FUBP1: variants seen among roughly 807,000 people sequenced by gnomAD.
FUBP1 encodes the protein far upstream element binding protein 1.
FUBP1 carries 16 observed loss-of-function variants against 94.9 expected under a neutral mutation model. The ratio of observed to expected loss-of-function variants is 0.17; its 90% CI spans 0.11 to 0.26. The LOEUF is 0.26. Ranked by LOEUF, FUBP1 falls within the 10% of genes least tolerant of loss-of-function variation. The probability of loss-of-function intolerance (pLI) is 1.00; values close to 1 mark genes in which losing one functional copy is unlikely to be tolerated. For missense variants in FUBP1, 583 were observed against 808.6 expected (o/e 0.72, Z 3.38); for synonymous variants, 279 against 254.9 (o/e 1.09, Z -0.90).
chr1:77,963,039 G>T, intron 13 of FUBP1, 109 bp from the exon 14 acceptor site: 1 of 651,584 alleles, frequency 1.5e-6, no homozygotes, highest in Non-Finnish European at 2.6e-6. Flanking sequence ...GGTTTGGTCA[G>T]TATCCTAATT....
intron 1 of FUBP1, among the ~76,000 whole-genome samples, chr1:77,970,606 G>A (rs911795228): frequency 6.6e-6 from 1 of 152,112 alleles, no homozygotes; most frequent in African/African-American, 2.4e-5. Flanking sequence ...ACTTCTATTG[G>A]ACAATGTTGT....
rs1655927436 is a variant in FUBP1 at position 77,963,567 on chromosome 1, A to C, written c.1183+7T>G. 6.6e-7 allele frequency: 1 copy of C among 1,523,944 alleles called. No individual in the cohort carries two copies. Among genetic ancestry groups the C allele is most frequent in the African/African-American group, 1.4e-5 (1 of 73,110 alleles). The allele number at this position is 1,523,944 out of a possible 1,614,324, so 94.4% of individuals were successfully genotyped here. A position where few individuals can be genotyped will look rare whatever the true frequency, so the allele number is the denominator to read the frequency against. Reference sequence around the variant, plus strand: ...TGTTAAAACATTAAGAGTTTAAAATACATTGCCTTTTCCTATTATTAATCC... The same window carrying C: ...TGTTAAAACATTAAGAGTTTAAAATCCATTGCCTTTTCCTATTATTAATCC... On this transcript the variant is annotated splice_region_variant and intron_variant, in intron 13 of 19. Transcript: ENST00000370768.
intron 16 of FUBP1, among the ~76,000 whole-genome samples, chr1:77,959,513 G>GTT (rs947642552): frequency 4.6e-5 from 7 of 151,664 alleles, no homozygotes; most frequent in Non-Finnish European, 1.0e-4. Context: ...CTGTTGGACT[G>GTT]TTATATATAT....
At position 77,956,611 on chromosome 1, in the gene FUBP1, G is replaced by C. The variant is rs1294795474; in HGVS notation, c.1666C>G (p.Pro556Ala). Residue 556 changes from proline to alanine, a missense_variant, in exon 17 of 20, where the codon CCT (proline) becomes GCT (alanine). Pro to Ala is a conservative substitution (Grantham distance 27). Transcript: ENST00000370768. ...TGAGTTGTAGTTGGTGCACCTGCAG[G>C]GGCTGCTGGTGGTGGCTGTGCTTGC... ...QQQAQPPPAA[P>A]AGAPTTTQTN... is the part of the protein sequence containing the mutation. 6.2e-7 allele frequency: 1 copy of C among 1,610,314 alleles called. No individual in the cohort carries two copies. The highest frequency in any genetic ancestry group is 8.5e-7 in the Non-Finnish European group (1 of 1,176,654).
intron 1 of FUBP1, among the ~76,000 whole-genome samples, chr1:77,974,291 C>T (rs1658182200): frequency 6.6e-6 from 1 of 151,932 alleles, no homozygotes; most frequent in African/African-American, 2.4e-5. Context: ...GCCCACTACT[C>T]CCGGCTAATT....
chr1:77,956,744 TTC>T lies in FUBP1; in HGVS notation c.1577-46_1577-45del, dbSNP rs777483274. On this transcript the variant is annotated intron_variant, in intron 16 of 19. Coordinates refer to ENST00000370768, the MANE Select transcript of FUBP1 (RefSeq NM_003902.5). ...CAAGGTTTGCATGTGAAGTCTGTAA[TTC>T]TCTCTCACACACACACACACCACCC... 14 of 1,544,746 alleles carry T rather than the reference TTC, an allele frequency of 9.1e-6. 1 individual carries two copies. Among genetic ancestry groups the T allele is most frequent in the East Asian group, 4.5e-5 (2 of 44,232 alleles).
intron 4 of FUBP1, 60 bp downstream of exon 4, chr1:77,967,567 T>G: frequency 7.4e-7 from 1 of 1,346,854 alleles, no homozygotes. Flanking sequence ...TGTGGTTGTG[T>G]TTTTACATAC....
At chr1:77,957,471 T>C (rs1413737883) in intron 16 of FUBP1, among the ~76,000 whole-genome samples, 1 of 152,212 alleles carries the variant, frequency 6.6e-6, no homozygotes, top group Non-Finnish European at 1.5e-5. Context: ...CCTCTACACT[T>C]GACTGACCCT....
chr1:77,948,416 T>C lies in FUBP1; in HGVS notation c.*350A>G. 1 of 1,087,634 alleles carries C rather than the reference T, an allele frequency of 9.2e-7. No homozygotes were observed. The allele number at this position is 1,087,634 out of a possible 1,614,324, so 67.4% of individuals were successfully genotyped here. On this transcript the variant is annotated 3_prime_UTR_variant, in exon 20 of 20. Coordinates refer to ENST00000370768, the MANE Select transcript of FUBP1 (RefSeq NM_003902.5). Reference sequence around the variant, plus strand: ...ACTTACCGACACAGGAGGTTTCATATCATTTATTGTAAAGCACAAAACAGG... The same window carrying C: ...ACTTACCGACACAGGAGGTTTCATACCATTTATTGTAAAGCACAAAACAGG...
chr1:77,963,135 AT>A (rs1655821273), intron 13 of FUBP1, among the ~76,000 whole-genome samples: 1 of 152,254 alleles, frequency 6.6e-6, no homozygotes, highest in Admixed American at 6.5e-5. Context: ...CTTAAAATAC[AT>A]TTACATTTAC....
intron 18 of FUBP1, among the ~76,000 whole-genome samples, chr1:77,949,613 A>G (rs1358754854): frequency 6.6e-6 from 1 of 152,084 alleles, no homozygotes; most frequent in Non-Finnish European, 1.5e-5. Flanking sequence ...TTTTTGCCTT[A>G]TAATTAATCG....
chr1:77,966,992 AGATTCTAAAGTAT>A (rs1656632012), intron 5 of FUBP1, 37 bp from the exon 6 acceptor site: 1 of 1,549,808 alleles, frequency 6.5e-7, no homozygotes, highest in African/African-American at 1.4e-5. Flanking sequence ...TTTGGTTGAA[AGATTCTAAAGTAT>A]GTTTTGATCA....
intron 1 of FUBP1, among the ~76,000 whole-genome samples, chr1:77,974,102 G>C (rs1421752059): frequency 6.6e-6 from 1 of 150,940 alleles, no homozygotes; most frequent in African/African-American, 2.4e-5. Context: ...TGGTACTACA[G>C]GCAAGCACCA....
chr1:77,950,841 C>G (rs762462844), intron 18 of FUBP1, among the ~76,000 whole-genome samples: 2 of 152,098 alleles, frequency 1.3e-5, no homozygotes, highest in Non-Finnish European at 2.9e-5. Flanking sequence ...CATTGTAAAA[C>G]AGGTCACAGA....
At chr1:77,961,368 C>T (rs1462952777) in intron 14 of FUBP1, among the ~76,000 whole-genome samples, 1 of 152,202 alleles carries the variant, frequency 6.6e-6, no homozygotes, top group Non-Finnish European at 1.5e-5. Flanking sequence ...ATTAACTTGT[C>T]TCTTTAAATC....
chr1:77,976,144 G>A (rs1658553976), intron 1 of FUBP1, among the ~76,000 whole-genome samples: 1 of 152,232 alleles, frequency 6.6e-6, no homozygotes, highest in Non-Finnish European at 1.5e-5. Context: ...CTTAGGATTA[G>A]TTGAGGATTC....
chr1:77,974,768 ACT>A (rs1400271885), intron 1 of FUBP1, among the ~76,000 whole-genome samples: 13 of 152,318 alleles, frequency 8.5e-5, no homozygotes, highest in African/African-American at 3.1e-4. Context: ...TCAGATATTC[ACT>A]GAGGTTCTTG....
chr1:77,948,067 G>C lies in FUBP1; in HGVS notation c.*699C>G, dbSNP rs956080997. ...AGAAAGGTTAACTGTTATAGCAGCA[G>C]TACAGGTCTGAAACAGTGGTCATGT... On this transcript the variant is annotated 3_prime_UTR_variant, in exon 20 of 20. Coordinates refer to ENST00000370768, the MANE Select transcript of FUBP1 (RefSeq NM_003902.5). 9.7e-7 allele frequency: 1 copy of C among 1,027,940 alleles called. No homozygotes were observed. The highest frequency in any genetic ancestry group is 1.2e-6 in the Non-Finnish European group (1 of 851,872). The allele number at this position is 1,027,940 out of a possible 1,614,324, so 63.7% of individuals were successfully genotyped here. A position where few individuals can be genotyped will look rare whatever the true frequency, so the allele number is the denominator to read the frequency against.
upstream of FUBP1, chr1:77,979,175 G>A (rs1659364114): frequency 1.5e-6 from 1 of 654,090 alleles, no homozygotes; most frequent in South Asian, 2.0e-5. Context: ...CCGAGGCAAC[G>A]CGCTGGTGTG....
Sources: allele counts gnomAD v4.1 joint callset (sites outside exome capture counted in the v4.1 genomes callset), GRCh38; gene constraint gnomAD v4.1.1; transcripts MANE v1.5; gene names NCBI Gene and HGNC (gene_info 2026-07-23, HGNC 2026-07-21).